Variants in OTOA observed in about 807,000 individuals in gnomAD.
The protein encoded by OTOA is cancer/testis antigen 108.
Under a neutral mutation model 110.8 loss-of-function variants are expected in OTOA, and 70 were observed. That is an observed-to-expected ratio of 0.63 (90% confidence interval 0.52 to 0.77). The LOEUF is 0.77. Among genes scored for constraint, OTOA ranks in the 30% least tolerant of loss-of-function variants. OTOA has a pLI of 0.00. For missense variants in OTOA, 917 were observed against 1,075.8 expected (o/e 0.85, Z 2.06); for synonymous variants, 373 against 431.5 (o/e 0.86, Z 1.68).
intron 14 of OTOA, among the ~76,000 whole-genome samples, chr16:21,716,178 G>C (rs1282363804): frequency 2.6e-5 from 4 of 152,178 alleles, no homozygotes; most frequent in Non-Finnish European, 4.4e-5. Flanking sequence ...TGGGATTACA[G>C]GTGTGAGCCA....
rs1261656527 is a variant in OTOA at position 21,714,239 on chromosome 16, CCTTT to C, written c.1321-737_1321-734del. ...TTTCTCTCTCTCTCTTTCTTTCTTT[CCTTT>C]CTTTCTTTTTTCTTTCTTTCTTTCT... On this transcript the variant is annotated intron_variant, in intron 13 of 28. Transcript: ENST00000646100. Among the ~76,000 whole-genome samples the C allele has an allele frequency of 1.3e-4, 17 of 131,350 alleles. No homozygotes were observed. In the East Asian group the frequency reaches 3.2e-3, roughly 25 times the overall value. 86.2% of individuals were successfully genotyped at this position (131,350 alleles called of 152,430 possible). A position where few individuals can be genotyped will look rare whatever the true frequency, so the allele number is the denominator to read the frequency against.
chr16:21,751,583 T>C (rs1899828294), intron 24 of OTOA, among the ~76,000 whole-genome samples: 1 of 97,216 alleles, frequency 1.0e-5, no homozygotes, highest in East Asian at 2.9e-4. Flanking sequence ...CTGGAAAAGT[T>C]TGGATCCTGA....
intron 1 of OTOA, among the ~76,000 whole-genome samples, chr16:21,676,649 T>C (rs370572048): frequency 2.6e-5 from 4 of 152,206 alleles, no homozygotes; most frequent in South Asian, 4.1e-4. Context: ...TAGATAAATA[T>C]TCAGCCAAAG....
intron 9 of OTOA, among the ~76,000 whole-genome samples, chr16:21,693,499 G>A (rs1440681527): frequency 6.6e-6 from 1 of 152,182 alleles, no homozygotes; most frequent in African/African-American, 2.4e-5. Flanking sequence ...GGGAGTGTTG[G>A]TGGAGACAAT....
intron 17 of OTOA, among the ~76,000 whole-genome samples, chr16:21,720,344 G>C (rs1332283718): frequency 1.3e-5 from 2 of 152,194 alleles, no homozygotes; most frequent in African/African-American, 4.8e-5. Flanking sequence ...ACAGACTCCT[G>C]TAATGGATAT....
intron 21 of OTOA, among the ~76,000 whole-genome samples, chr16:21,735,432 C>T (rs891561542): frequency 1.3e-5 from 2 of 151,908 alleles, no homozygotes; most frequent in African/African-American, 2.4e-5. Context: ...GAGAAATCTG[C>T]CCCCATGATC....
At chr16:21,718,783 G>A (rs1428190423) in intron 15 of OTOA, among the ~76,000 whole-genome samples, 3 of 152,060 alleles carry the variant, frequency 2.0e-5, no homozygotes, top group African/African-American at 7.2e-5. Context: ...CCTGGCAGGT[G>A]CACATGTGAA....
intron 15 of OTOA, among the ~76,000 whole-genome samples, chr16:21,718,206 C>G (rs1326501527): frequency 6.6e-6 from 1 of 152,164 alleles, no homozygotes; most frequent in South Asian, 2.1e-4. Context: ...GATCTGCCCG[C>G]CTTGGCCTCC....
chr16:21,710,878 C>T (rs1427242238), intron 13 of OTOA, among the ~76,000 whole-genome samples: 2 of 152,124 alleles, frequency 1.3e-5, no homozygotes, highest in Non-Finnish European at 2.9e-5. Flanking sequence ...TGGTGCATGC[C>T]TGTACTTCCA....
chr16:21,716,883 T>A (rs773379913), intron 14 of OTOA, 24 bp from the exon 15 acceptor site: 35 of 1,613,504 alleles, frequency 2.2e-5, no homozygotes. Context: ...ACAATGTTGT[T>A]TTGTTGCTTC....
At chr16:21,698,442 T>A (rs1271366575) in intron 10 of OTOA, among the ~76,000 whole-genome samples, 1 of 152,146 alleles carries the variant, frequency 6.6e-6, no homozygotes, top group African/African-American at 2.4e-5. Flanking sequence ...GACACTAAAA[T>A]CCCTTGGGCA....
chr16:21,686,535 A>C (rs1342828481), intron 7 of OTOA, among the ~76,000 whole-genome samples: 2 of 151,964 alleles, frequency 1.3e-5, no homozygotes, highest in Non-Finnish European at 2.9e-5. Context: ...TCAAGCGATC[A>C]ACCTGCCTCA....
In OTOA at chr16:21,687,351, C is replaced by T. The variant is rs1897736414; in HGVS notation, c.400-62C>T. ...CCCACTGTTGCAATGTGTGGTCCCTCCCAGGGCTTCCAAATTGAGAGGCAG... is the reference window on the plus strand; with the variant it reads ...CCCACTGTTGCAATGTGTGGTCCCTTCCAGGGCTTCCAAATTGAGAGGCAG... On this transcript the variant is annotated intron_variant, in intron 7 of 28. Coordinates refer to ENST00000646100, the MANE Select transcript of OTOA (RefSeq NM_144672.4). The T allele has an allele frequency of 4.3e-6, 6 of 1,401,252 alleles. No individual in the cohort carries two copies. The Middle Eastern group carries it at 8.9e-4, about 207-fold the overall frequency. The allele number at this position is 1,401,252 out of a possible 1,614,324, so 86.8% of individuals were successfully genotyped here.
chr16:21,691,923 G>T lies in OTOA; in HGVS notation c.739+236G>T, dbSNP rs146633000. On this transcript the variant is annotated intron_variant, in intron 9 of 28. Transcript: ENST00000646100. ...GATGTGTTTGTATTTCATAATCTAT[G>T]TTGTGTCCTAGTTTTTCAGTGGAAT... is the stretch of plus-strand genomic sequence containing the variant. Among the ~76,000 whole-genome samples the T allele has an allele frequency of 2.6e-5, 4 of 152,170 alleles. No homozygotes were observed. In the South Asian group the frequency reaches 8.3e-4, roughly 31 times the overall value.
At chr16:21,726,485 C>T in intron 18 of OTOA, 38 bp from the exon 19 acceptor site, 1 of 1,612,042 alleles carries the variant, frequency 6.2e-7, no homozygotes, top group Non-Finnish European at 8.5e-7. Flanking sequence ...CAGGAGCAGC[C>T]ATGTGTTCCT....
At chr16:21,696,050 A>T (rs905816433) in intron 9 of OTOA, among the ~76,000 whole-genome samples, 12 of 150,982 alleles carry the variant, frequency 7.9e-5, no homozygotes, top group Admixed American at 7.3e-4. Flanking sequence ...GTGCGCTACC[A>T]CGCCTGGCTA....
chr16:21,685,096 C>T, intron 6 of OTOA, 134 bp from the exon 7 acceptor site: 1 of 1,305,962 alleles, frequency 7.7e-7, no homozygotes, highest in Non-Finnish European at 1.1e-6. Context: ...TGGAGGTGGC[C>T]AAACCAGACT....
At position 21,678,629 on chromosome 16, in the gene OTOA, C is replaced by T. The variant is rs185354413; in HGVS notation, c.91+24C>T. 4.8e-5 allele frequency: 76 copies of T among 1,593,598 alleles called. No individual in the cohort carries two copies. The Middle Eastern group carries it at 5.0e-4, about 10-fold the overall frequency. ...GGGTAAGTCCTGAGGGAAGAATCAC[C>T]CTTTGTGGTTTCCACACAGTTTAGG... On this transcript the variant is annotated intron_variant, in intron 2 of 28. Transcript: ENST00000646100.
At chr16:21,681,967 T>C in intron 6 of OTOA, 142 bp downstream of exon 6, 1 of 760,338 alleles carries the variant, frequency 1.3e-6, no homozygotes, top group South Asian at 1.6e-5. Flanking sequence ...CCAGTTTTTC[T>C]TGAAACATGA....
Sources: allele counts gnomAD v4.1 joint callset (sites outside exome capture counted in the v4.1 genomes callset), GRCh38; gene constraint gnomAD v4.1.1; transcripts MANE v1.5; gene names NCBI Gene and HGNC (gene_info 2026-07-23, HGNC 2026-07-21).